STAM: variants seen among roughly 807,000 people sequenced by gnomAD.
STAM encodes the protein signal transducing adapter molecule 1.
Under a neutral mutation model 63.4 loss-of-function variants are expected in STAM, and 16 were observed. That is an observed-to-expected ratio of 0.25 (90% CI 0.17 to 0.38). STAM has a LOEUF of 0.38. Among genes scored for constraint, STAM ranks in the 10% least tolerant of loss-of-function variants. The pLI, the probability that STAM is intolerant of heterozygous loss-of-function variation, is 1.00. For missense variants in STAM, 636 were observed against 657.1 expected, an observed-to-expected ratio of 0.97 and a Z score of 0.35; for synonymous variants, 238 against 223.9, an observed-to-expected ratio of 1.06 and a Z score of -0.56.
At chr10:17,712,041 A>T (rs1425339237) in intron 13 of STAM, among the ~76,000 whole-genome samples, 4 of 152,226 alleles carry the variant, frequency 2.6e-5, no homozygotes, top group African/African-American at 9.7e-5. Context: ...TAAGAGAAAG[A>T]AGTATTGGTG....
At chr10:17,708,705 C>T in intron 12 of STAM, 71 bp from the exon 13 acceptor site, 3 of 1,422,954 alleles carry the variant, frequency 2.1e-6, no homozygotes, top group Non-Finnish European at 2.8e-6. Flanking sequence ...AACTGAATAC[C>T]TCTACAGAGA....
In STAM at chr10:17,657,849, CT is replaced by C. The variant is rs568800021; in HGVS notation, c.41-2603del. Among the ~76,000 whole-genome samples the C allele has an allele frequency of 3.8e-3, 552 of 144,408 alleles. 2 individuals carry two copies. The highest frequency in any genetic ancestry group is 4.1e-3 in the Non-Finnish European group (270 of 65,740). The allele number at this position is 144,408 out of a possible 152,430, so 94.7% of individuals were successfully genotyped here. On this transcript the variant is annotated intron_variant, in intron 1 of 13. Coordinates refer to ENST00000377524, the MANE Select transcript of STAM (RefSeq NM_003473.4). The stretch of plus-strand genomic sequence containing the variant: ...TATTAGTAATTGGTGTTTTCTCTCT[CT>C]TTTTTTTTTTTCCTTAGTTTAGCTT...
At chr10:17,658,150 GAA>G (rs1564531185) in intron 1 of STAM, among the ~76,000 whole-genome samples, 3 of 151,840 alleles carry the variant, frequency 2.0e-5, no homozygotes, top group East Asian at 3.9e-4. Context: ...CAAATTTTGC[GAA>G]GTTGTATTTT....
At chr10:17,658,640 A>G (rs1409721072) in intron 1 of STAM, among the ~76,000 whole-genome samples, 1 of 151,878 alleles carries the variant, frequency 6.6e-6, no homozygotes, top group Non-Finnish European at 1.5e-5. Context: ...CCTCCTGAGT[A>G]TGTTCAGCTA....
intron 12 of STAM, 53 bp downstream of exon 12, chr10:17,705,794 G>A: frequency 6.4e-7 from 1 of 1,556,552 alleles, no homozygotes; most frequent in East Asian, 2.3e-5. Flanking sequence ...ACAGTGAGGT[G>A]TGGTAGCTCA....
At position 17,694,584 on chromosome 10, in the gene STAM, T is replaced by G. The variant is rs185486773; in HGVS notation, c.536-465T>G. 2.3e-3 allele frequency among the ~76,000 whole-genome samples: 353 copies of G among 152,278 alleles called. 4 individuals carry two copies. The highest frequency in any genetic ancestry group is 9.1e-4 in the Non-Finnish European group (62 of 68,010). On this transcript the variant is annotated intron_variant, in intron 6 of 13. Transcript: ENST00000377524. ...TGGAGGATTTGTTAGGTTGAGTCTT[T>G]AGACTGGTAAGAATTACCCTTGGAG... is the stretch of plus-strand genomic sequence containing the variant.
At chr10:17,713,380 A>T (rs1836650824) in intron 13 of STAM, among the ~76,000 whole-genome samples, 1 of 152,004 alleles carries the variant, frequency 6.6e-6, no homozygotes, top group African/African-American at 2.4e-5. Context: ...AGCAGGCTTG[A>T]ATAGCTGATT....
chr10:17,647,017 C>G (rs1287036074), intron 1 of STAM, among the ~76,000 whole-genome samples: 1 of 152,148 alleles, frequency 6.6e-6, no homozygotes, highest in Non-Finnish European at 1.5e-5. Context: ...TAAAGAGACA[C>G]AATGCTGGTG....
At chr10:17,653,173 CTG>C (rs1833804018) in intron 1 of STAM, among the ~76,000 whole-genome samples, 1 of 152,154 alleles carries the variant, frequency 6.6e-6, no homozygotes, top group Non-Finnish European at 1.5e-5. Context: ...TTAAGTTCCA[CTG>C]TGTGGTCCTA....
intron 2 of STAM, among the ~76,000 whole-genome samples, chr10:17,668,049 C>G (rs1413215884): frequency 6.6e-6 from 1 of 152,144 alleles, no homozygotes; most frequent in African/African-American, 2.4e-5. Context: ...CTCCAAGGTC[C>G]ATCGGAGTTA....
rs1235584498 is a variant in STAM, at chr10:17,700,210, G to A, written c.843G>A (p.Thr281=). Residue 281 remains threonine (T), a synonymous_variant, in exon 9 of 14, where the codon ACG becomes ACA. Coordinates refer to ENST00000377524, the MANE Select transcript of STAM (RefSeq NM_003473.4). The stretch of plus-strand genomic sequence containing the variant: ...TTACAGTTAAAACAGAGAAGAAGAC[G>A]GTACAATTTAGTGATGATGTTCAGG... ...EPEMIKTEKK[T]VQFSDDVQVE... The A allele has an allele frequency of 2.5e-6, 4 of 1,607,324 alleles. No individual in the cohort carries two copies. Among genetic ancestry groups the A allele is most frequent in the South Asian group, 1.1e-5 (1 of 89,454 alleles).
In STAM at chr10:17,696,856, T is replaced by C. The variant is rs782059044; in HGVS notation, c.810T>C (p.Ala270=). The change falls in exon 8 of 14, where the codon GCT becomes GCC. Residue 270 remains alanine, a synonymous_variant. Transcript: ENST00000377524. ...ATTTTGTGACTGCAGATCTCACTGC[T>C]GAACCAGAAATGAGTAAGTATTTTC... ...PSNFVTADLT[A]EPEMIKTEKK... is the part of the protein sequence containing the mutation. 2 of 1,612,626 alleles carry C rather than the reference T, an allele frequency of 1.2e-6. No homozygotes were observed. The highest frequency in any genetic ancestry group is 1.7e-6 in the Non-Finnish European group (2 of 1,178,586).
chr10:17,695,298 C>A, intron 7 of STAM, 57 bp downstream of exon 7: 1 of 1,492,986 alleles, frequency 6.7e-7, no homozygotes, highest in South Asian at 1.2e-5. Context: ...TTCTGTGTTT[C>A]ATATTATTCC....
At chr10:17,662,838 C>T (rs1343862030) in intron 2 of STAM, among the ~76,000 whole-genome samples, 4 of 152,306 alleles carry the variant, frequency 2.6e-5, no homozygotes, top group Non-Finnish European at 5.9e-5. Context: ...TGCAACTCTG[C>T]CTGCTTTTGA....
chr10:17,688,201 G>A, intron 5 of STAM, 28 bp downstream of exon 5: 1 of 1,458,270 alleles, frequency 6.9e-7, no homozygotes, highest in Non-Finnish European at 9.1e-7. Flanking sequence ...TTGTGTGTGT[G>A]CTACAGTTTG....
At chr10:17,657,513 T>A in intron 1 of STAM, among the ~76,000 whole-genome samples, 1 of 152,262 alleles carries the variant, frequency 6.6e-6, no homozygotes, top group East Asian at 1.9e-4. Flanking sequence ...TGCTTCTATA[T>A]ACTGCAAGAG....
intron 5 of STAM, among the ~76,000 whole-genome samples, chr10:17,688,670 C>G (rs1019029064): frequency 6.6e-6 from 1 of 151,776 alleles, no homozygotes; most frequent in African/African-American, 2.4e-5. Context: ...ACCATGTTGG[C>G]CAGGCTGGTT....
In STAM at chr10:17,653,266, C is replaced by G. The variant is rs537831690; in HGVS notation, c.41-7198C>G. ...ATTTCCCAGTCCATCGAAACCTACACTGAAAAACCGAATATTCCGCGATAA... is the reference window on the plus strand; with the variant it reads ...ATTTCCCAGTCCATCGAAACCTACAGTGAAAAACCGAATATTCCGCGATAA... On this transcript the variant is annotated intron_variant, in intron 1 of 13. Coordinates refer to ENST00000377524, the MANE Select transcript of STAM (RefSeq NM_003473.4). Among the ~76,000 whole-genome samples, 23 of 152,290 alleles carry G rather than the reference C, an allele frequency of 1.5e-4. No individual in the cohort carries two copies. The South Asian group carries it at 4.8e-3, about 32-fold the overall frequency.
chr10:17,657,540 A>G lies in STAM; in HGVS notation c.41-2924A>G, dbSNP rs573894765. ...CTGCAAGAGATTACACAGAATTAGTATAATTTCTTCCTTAAATATTTGGTA... is the reference window on the plus strand; with the variant it reads ...CTGCAAGAGATTACACAGAATTAGTGTAATTTCTTCCTTAAATATTTGGTA... On this transcript the variant is annotated intron_variant, in intron 1 of 13. Transcript: ENST00000377524. Among the ~76,000 whole-genome samples the G allele has an allele frequency of 2.6e-5, 4 of 152,362 alleles. No individual in the cohort carries two copies. In the East Asian group the frequency reaches 5.8e-4, roughly 22 times the overall value.
Sources: gnomAD v4.1 joint callset for allele counts (sites outside exome capture counted in the v4.1 genomes callset) on GRCh38, gnomAD v4.1.1 for gene constraint, MANE v1.5 for transcripts, NCBI Gene and HGNC (gene_info 2026-07-23, HGNC 2026-07-21) for gene names.